The following SLC1A2 variants were observed in gnomAD, a reference collection of about 807,000 sequenced individuals.
The protein encoded by SLC1A2 is excitatory amino acid transporter 2.
In SLC1A2, 15 loss-of-function variants were observed where a neutral mutation model predicts 48.8. That is an observed-to-expected ratio of 0.31 (90% CI 0.21 to 0.47). SLC1A2 has a LOEUF of 0.47. SLC1A2 is among the 20% of genes least tolerant of loss of function. The pLI is 0.99. For synonymous variants in SLC1A2, 279 were observed against 272.6 expected (o/e 1.02, Z -0.23); for missense variants, 502 against 730.5 (o/e 0.69, Z 3.61).
intron 1 of SLC1A2, among the ~76,000 whole-genome samples, chr11:35,319,287 G>A (rs780647721): frequency 2.0e-5 from 3 of 152,102 alleles, no homozygotes; most frequent in African/African-American, 4.8e-5. Flanking sequence ...CCTTTTTAAC[G>A]TGGATAGACC....
chr11:35,374,238 A>T, intron 1 of SLC1A2: 1 of 715,134 alleles, frequency 1.4e-6, no homozygotes, highest in Non-Finnish European at 2.3e-6. Context: ...TATAGCTAAG[A>T]CTCCAAGACA....
chr11:35,311,487 A>T (rs1199580468), intron 4 of SLC1A2, among the ~76,000 whole-genome samples: 1 of 152,178 alleles, frequency 6.6e-6, no homozygotes, highest in East Asian at 1.9e-4. Context: ...AAGATTATGC[A>T]CACTTGCATA....
In SLC1A2 at chr11:35,403,337, G is replaced by T. The variant is rs140486291; in HGVS notation, c.17+15613C>A. On this transcript the variant is annotated intron_variant, in intron 1 of 10. Coordinates refer to ENST00000278379, the MANE Select transcript of SLC1A2 (RefSeq NM_004171.4). ...TATAAAACACGTCTTCTTAACTGCT[G>T]TGCAACACTGGCTCAGAAGCTGTTT... is the stretch of plus-strand genomic sequence containing the variant. Among the ~76,000 whole-genome samples the T allele has an allele frequency of 4.3e-3, 657 of 152,364 alleles. 5 individuals are homozygous for T. Among genetic ancestry groups the T allele is most frequent in the African/African-American group, 0.015 (617 of 41,588 alleles).
At position 35,301,631 on chromosome 11, in the gene SLC1A2, A is replaced by G; in HGVS notation, c.745T>C (p.Phe249Leu). Residue 249 changes from phenylalanine to leucine, a missense_variant, in exon 6 of 11, where the codon TTC becomes CTC. Phe to Leu is a conservative substitution (Grantham distance 22, BLOSUM62 0). Transcript: ENST00000278379. ...GMNVLGLIGFFIAFGIAMGKM... is the reference protein window; with the variant it reads ...GMNVLGLIGFLIAFGIAMGKM... ...CCCATAGCGATGCCAAAAGCAATGA[A>G]AAACCCTATCAGACCTGTTGGATGA... 1 of 1,613,822 alleles carries G rather than the reference A, an allele frequency of 6.2e-7. No homozygotes were observed. Among genetic ancestry groups the G allele is most frequent in the Non-Finnish European group, 8.5e-7 (1 of 1,179,818 alleles).
At chr11:35,419,671 A>G (rs996482109), upstream of SLC1A2, 1 of 159,438 alleles carries the variant, frequency 6.3e-6, no homozygotes, top group South Asian at 1.6e-4. This position sits in a 1 kb window ranked among gnomAD's most constrained non-coding sequence, Gnocchi z 5.4. Context: ...TAGCCAAATA[A>G]GAAAAGAGGC....
At chr11:35,405,660 G>T (rs1370402550) in intron 1 of SLC1A2, among the ~76,000 whole-genome samples, 1 of 152,154 alleles carries the variant, frequency 6.6e-6, no homozygotes, top group East Asian at 1.9e-4. Context: ...TGCAGATACA[G>T]GAGTTTGTAA....
At chr11:35,301,401 TG>T in intron 6 of SLC1A2, 117 bp downstream of exon 6, 1 of 855,900 alleles carries the variant, frequency 1.2e-6, no homozygotes, top group Non-Finnish European at 1.8e-6. Flanking sequence ...AAAGTCTTTC[TG>T]GAAAGACATT....
intron 1 of SLC1A2, among the ~76,000 whole-genome samples, chr11:35,342,195 T>C (rs1247987371): frequency 6.6e-6 from 1 of 152,254 alleles, no homozygotes; most frequent in Admixed American, 6.5e-5. Flanking sequence ...AAATGTATCA[T>C]GCTGTACAAT....
At chr11:35,380,176 G>C (rs1854376907) in intron 1 of SLC1A2, among the ~76,000 whole-genome samples, 1 of 152,192 alleles carries the variant, frequency 6.6e-6, no homozygotes, top group Non-Finnish European at 1.5e-5. Context: ...CATTAAGCAA[G>C]TTCCCAAACT....
At chr11:35,302,336 C>T (rs1339589709) in intron 5 of SLC1A2, among the ~76,000 whole-genome samples, 9 of 151,982 alleles carry the variant, frequency 5.9e-5, no homozygotes, top group East Asian at 5.8e-4. Flanking sequence ...GGTTAGAATG[C>T]TTTTTTAATT....
intron 9 of SLC1A2, among the ~76,000 whole-genome samples, chr11:35,267,419 G>A (rs185319087): frequency 6.6e-6 from 1 of 152,070 alleles, no homozygotes; most frequent in Non-Finnish European, 1.5e-5. Context: ...ACATGCTTCC[G>A]GACATTTAAT....
intron 9 of SLC1A2, among the ~76,000 whole-genome samples, chr11:35,278,528 T>A (rs1410725670): frequency 6.6e-6 from 1 of 151,946 alleles, no homozygotes; most frequent in East Asian, 1.9e-4. Context: ...ATCTGCCCGC[T>A]TCAGCCTCCC....
At chr11:35,329,191 A>G (rs1344452810) in intron 1 of SLC1A2, among the ~76,000 whole-genome samples, 1 of 152,254 alleles carries the variant, frequency 6.6e-6, no homozygotes, top group Non-Finnish European at 1.5e-5. Flanking sequence ...GACATTCTGG[A>G]AAAGGCAAAA....
chr11:35,324,047 T>C (rs934564228), intron 1 of SLC1A2, among the ~76,000 whole-genome samples: 4 of 152,228 alleles, frequency 2.6e-5, no homozygotes, highest in African/African-American at 9.7e-5. Flanking sequence ...AGTCAATTAC[T>C]GTGGAACTGG....
intron 1 of SLC1A2, among the ~76,000 whole-genome samples, chr11:35,319,757 A>G (rs1436142353): frequency 2.0e-5 from 3 of 152,310 alleles, no homozygotes; most frequent in Admixed American, 6.5e-5. Flanking sequence ...TTTGTTTTTT[A>G]GGCCATAACA....
chr11:35,369,319 T>C (rs557766543), intron 1 of SLC1A2, among the ~76,000 whole-genome samples: 12 of 152,324 alleles, frequency 7.9e-5, no homozygotes, highest in African/African-American at 2.9e-4. Context: ...ACTTTCAGTA[T>C]AAAAATTACA....
intron 4 of SLC1A2, 140 bp from the exon 5 acceptor site, chr11:35,306,382 CTG>C (rs1851507128): frequency 1.7e-6 from 1 of 595,808 alleles, no homozygotes; most frequent in Admixed American, 3.1e-5. Flanking sequence ...GTTATGAAAA[CTG>C]GAGAATATTT....
chr11:35,384,612 T>G (rs751005741), intron 1 of SLC1A2, among the ~76,000 whole-genome samples: 2 of 152,202 alleles, frequency 1.3e-5, no homozygotes, highest in Non-Finnish European at 2.9e-5. Flanking sequence ...CATTGAAGAT[T>G]ATTTGCTTGT....
At chr11:35,387,995 C>T (rs996988367) in intron 1 of SLC1A2, among the ~76,000 whole-genome samples, 1 of 152,220 alleles carries the variant, frequency 6.6e-6, no homozygotes, top group South Asian at 2.1e-4. Flanking sequence ...CGTTATCATA[C>T]TCATTTTATG....
Sources: allele counts gnomAD v4.1 joint callset (sites outside exome capture counted in the v4.1 genomes callset), GRCh38; gene constraint gnomAD v4.1.1; non-coding constraint Gnocchi (gnomAD v3.1); transcripts MANE v1.5; gene names NCBI Gene and HGNC (gene_info 2026-07-23, HGNC 2026-07-21).